TENT5A: variants seen among roughly 807,000 people sequenced by gnomAD.
TENT5A encodes HBV X-transactivated gene 11 protein.
TENT5A carries 9 observed loss-of-function variants against 30.2 expected under a neutral mutation model. That is an observed-to-expected ratio of 0.30 (90% CI 0.18 to 0.52). The LOEUF is 0.52. Among genes scored for constraint, TENT5A ranks in the 20% least tolerant of loss-of-function variants. The pLI is 0.97. For synonymous variants in TENT5A, 264 were observed against 234.2 expected, an observed-to-expected ratio of 1.13 and a Z score of -1.16; for missense variants, 411 against 566.1, an observed-to-expected ratio of 0.73 and a Z score of 2.78.
At position 81,746,862 on chromosome 6, in the gene TENT5A, C is replaced by T; in HGVS notation, c.*2833G>A. 9.0e-7 allele frequency: 1 copy of T among 1,115,736 alleles called. No individual in the cohort carries two copies. Among genetic ancestry groups the T allele is most frequent in the Non-Finnish European group, 1.1e-6 (1 of 914,976 alleles). The allele number at this position is 1,115,736 out of a possible 1,614,324, so 69.1% of individuals were successfully genotyped here. ...GACATATATTTCACTGTGTGTTCAA[C>T]TACATATGCACAAGACTATAGTACA... On this transcript the variant is annotated 3_prime_UTR_variant, in exon 3 of 3. Coordinates refer to ENST00000320172, the MANE Select transcript of TENT5A (RefSeq NM_017633.3).
chr6:81,752,622 C>G lies in TENT5A; in HGVS notation c.-229G>C, dbSNP rs1467349886. ...CGCTGCCACCCCAGCTGCGGTGGTC[C>G]CGAACTGGCGGCTCTTGCTGCCACA... On this transcript the variant is annotated 5_prime_UTR_variant, in exon 1 of 3. Coordinates refer to ENST00000320172, the MANE Select transcript of TENT5A (RefSeq NM_017633.3). 1.4e-6 allele frequency: 1 copy of G among 727,100 alleles called. No homozygotes were observed. Among genetic ancestry groups the G allele is most frequent in the East Asian group, 2.7e-5 (1 of 37,302 alleles). The allele number at this position is 727,100 out of a possible 1,614,324, so 45.0% of individuals were successfully genotyped here.
chr6:81,751,899 G>A lies in TENT5A; in HGVS notation c.243C>T (p.Thr81=), dbSNP rs368900766. The change falls in exon 2 of 3, where the codon ACC becomes ACT. Residue 81 remains threonine, a synonymous_variant. Coordinates refer to ENST00000320172, the MANE Select transcript of TENT5A (RefSeq NM_017633.3). ...AGTTGCCGCGCCCGTGAATCGGAAT[G>A]GTCTCGCTCAGGATGCCGTCCAGCC... ...VQRLDGILSE[T]IPIHGRGNFP... The A allele has an allele frequency of 8.1e-6, 13 of 1,613,100 alleles. No homozygotes were observed. Among genetic ancestry groups the A allele is most frequent in the Non-Finnish European group, 1.1e-5 (13 of 1,179,936 alleles).
chr6:81,751,688 C>A lies in TENT5A; in HGVS notation c.454G>T (p.Gly152Trp), dbSNP rs753043995. The A allele has an allele frequency of 9.9e-6, 16 of 1,614,218 alleles. No homozygotes were observed. The East Asian group carries it at 1.6e-4, about 16-fold the overall frequency. Residue 152 changes from glycine (G) to tryptophan (W), a missense_variant, in exon 2 of 3, where the codon GGG becomes TGG. Around this residue, in one of 5 missense-constraint regions of TENT5A, gnomAD observed 157 missense variants for 183.2 expected, o/e 0.86. Coordinates refer to ENST00000320172, the MANE Select transcript of TENT5A (RefSeq NM_017633.3). ...LIFCADLRGE[G>W]EFQTVKDVVL... ...ACGTCCTTCACAGTCTGAAACTCCC[C>A]TTCCCCGCGCAGGTCGGCGCAGAAG...
In TENT5A at chr6:81,748,393, A is replaced by G. The variant is rs2127726097; in HGVS notation, c.*1302T>C. 1 of 983,052 alleles carries G rather than the reference A, an allele frequency of 1.0e-6. No individual in the cohort carries two copies. The highest frequency in any genetic ancestry group is 1.2e-6 in the Non-Finnish European group (1 of 828,382). 60.9% of individuals were successfully genotyped at this position (983,052 alleles called of 1,614,324 possible). On this transcript the variant is annotated 3_prime_UTR_variant, in exon 3 of 3. Coordinates refer to ENST00000320172, the MANE Select transcript of TENT5A (RefSeq NM_017633.3). ...ATTTTATGGCTCACCAAAGAAAAAA[A>G]AAAAAAGAAAAAAAAATCCCACTAA...
rs1193302256 is a variant in TENT5A at position 81,746,492 on chromosome 6, C to T, written c.*3203G>A. Reference sequence around the variant, plus strand: ...AGCTACATTATTAGTCCATCCAATACCAAAGTGAGCAGATACTTGATCCCA... The same window carrying T: ...AGCTACATTATTAGTCCATCCAATATCAAAGTGAGCAGATACTTGATCCCA... On this transcript the variant is annotated 3_prime_UTR_variant, in exon 3 of 3. Transcript: ENST00000320172. 8.1e-7 allele frequency: 1 copy of T among 1,232,046 alleles called. No individual in the cohort carries two copies. Among genetic ancestry groups the T allele is most frequent in the East Asian group, 3.2e-5 (1 of 31,708 alleles). The allele number at this position is 1,232,046 out of a possible 1,614,324, so 76.3% of individuals were successfully genotyped here.
Position 81,751,505 on chromosome 6 carries a change from C to T in TENT5A, c.552+85G>A, listed in dbSNP as rs1404456503. 4.8e-6 allele frequency: 6 copies of T among 1,245,518 alleles called. No individual in the cohort carries two copies. The Admixed American group carries it at 1.1e-4, about 23-fold the overall frequency. The allele number at this position is 1,245,518 out of a possible 1,614,324, so 77.2% of individuals were successfully genotyped here. On this transcript the variant is annotated intron_variant, in intron 2 of 2. Transcript: ENST00000320172. Reference sequence around the variant, plus strand: ...ACTCGTGATGGCCACAGATTCATGGCATTTAACCGATGCCCCTCTGCCCGC... The same window carrying T: ...ACTCGTGATGGCCACAGATTCATGGTATTTAACCGATGCCCCTCTGCCCGC...
Position 81,747,543 on chromosome 6 carries a change from G to A in TENT5A, c.*2152C>T. On this transcript the variant is annotated 3_prime_UTR_variant, in exon 3 of 3. Transcript: ENST00000320172. ...AAAGGTAGTCCAGACGGATTAACCT[G>A]GATTAACCTAGCACTAAGCATCTGA... 1 of 985,670 alleles carries A rather than the reference G, an allele frequency of 1.0e-6. No homozygotes were observed. Among genetic ancestry groups the A allele is most frequent in the Non-Finnish European group, 1.2e-6 (1 of 829,908 alleles). The allele number at this position is 985,670 out of a possible 1,614,324, so 61.1% of individuals were successfully genotyped here. A position where few individuals can be genotyped will look rare whatever the true frequency, so the allele number is the denominator to read the frequency against.
In TENT5A at chr6:81,750,368, A is replaced by G. The variant is rs751779728; in HGVS notation, c.656T>C (p.Val219Ala). 5 of 1,613,816 alleles carry G rather than the reference A, an allele frequency of 3.1e-6. No homozygotes were observed. The highest frequency in any genetic ancestry group is 4.2e-6 in the Non-Finnish European group (5 of 1,179,922). ...TTCAAACTGCCTCCGGAGGGAATCC[A>G]CAAATTTCAGTTCCACATTTTTGCC... ...NSGKNVELKF[V>A]DSLRRQFEFS... is the part of the protein sequence containing the mutation. Residue 219 changes from valine (V) to alanine (A), a missense_variant, in exon 3 of 3, where the codon GTG becomes GCG. This residue lies in a region of TENT5A where 135 missense variants were observed against 240.0 expected (regional missense o/e 0.56). Transcript: ENST00000320172. The surrounding 1 kb of genome is among the most constrained non-coding windows in gnomAD (Gnocchi z 4.2).
At position 81,746,403 on chromosome 6, in the gene TENT5A, C is replaced by G. The variant is rs1424895308; in HGVS notation, c.*3292G>C. On this transcript the variant is annotated 3_prime_UTR_variant, in exon 3 of 3. Coordinates refer to ENST00000320172, the MANE Select transcript of TENT5A (RefSeq NM_017633.3). ...ACAGAAAGGGGTGGTAAAAACAGTA[C>G]GTTCACTTTTCATTTCCTTCCTTGG... 1.6e-6 allele frequency: 2 copies of G among 1,229,996 alleles called. No individual in the cohort carries two copies. Among genetic ancestry groups the G allele is most frequent in the South Asian group, 4.2e-5 (1 of 23,990 alleles). The allele number at this position is 1,229,996 out of a possible 1,614,324, so 76.2% of individuals were successfully genotyped here.
In TENT5A at chr6:81,750,299, A is replaced by T. The variant is rs750110886; in HGVS notation, c.725T>A (p.Leu242His). The change falls in exon 3 of 3, where the codon CTC becomes CAC. Residue 242 changes from leucine (L) to histidine (H), a missense_variant. Physicochemically the swap from Leu to His is moderately conservative, Grantham distance 99. Around this residue, in one of 5 missense-constraint regions of TENT5A, gnomAD observed 135 missense variants for 240.0 expected, o/e 0.56. Coordinates refer to ENST00000320172, the MANE Select transcript of TENT5A (RefSeq NM_017633.3). The surrounding 1 kb of genome is among the most constrained non-coding windows in gnomAD (Gnocchi z 4.2). ...SFQIKLDSLL[L>H]FYECSENPMT... ...TGGGTTCTCTGAACATTCATAAAAG[A>T]GCAGAAGAGAGTCTAATTTGATTTG... is the stretch of plus-strand genomic sequence containing the variant. 6.2e-7 allele frequency: 1 copy of T among 1,613,632 alleles called. No homozygotes were observed. Among genetic ancestry groups the T allele is most frequent in the East Asian group, 2.2e-5 (1 of 44,878 alleles).
In TENT5A at chr6:81,747,992, C is replaced by T. The variant is rs1768919771; in HGVS notation, c.*1703G>A. 1 of 983,126 alleles carries T rather than the reference C, an allele frequency of 1.0e-6. No homozygotes were observed. Among genetic ancestry groups the T allele is most frequent in the South Asian group, 4.7e-5 (1 of 21,224 alleles). 60.9% of individuals were successfully genotyped at this position (983,126 alleles called of 1,614,324 possible). On this transcript the variant is annotated 3_prime_UTR_variant, in exon 3 of 3. Coordinates refer to ENST00000320172, the MANE Select transcript of TENT5A (RefSeq NM_017633.3). ...TACTAAATATTTAAATGCAGTGTGA[C>T]AACCAGATCAAAGATGTTTCATATT...
rs760485786 is a variant in TENT5A at position 81,750,074 on chromosome 6, T to C, written c.950A>G (p.Tyr317Cys). 1 of 1,614,230 alleles carries C rather than the reference T, an allele frequency of 6.2e-7. No individual in the cohort carries two copies. Among genetic ancestry groups the C allele is most frequent in the South Asian group, 1.1e-5 (1 of 91,088 alleles). ...ASDEIKTLQR[Y>C]MCSRFFIDFS... is the part of the protein sequence containing the mutation. ...GTCGATGAAAAACCTGGAACACATA[T>C]ACCTTTGAAGGGTCTTGATTTCATC... Residue 317 changes from tyrosine to cysteine, a missense_variant, in exon 3 of 3, where the codon TAT (tyrosine) becomes TGT (cysteine). By Grantham distance (194) the Tyr-to-Cys change is radical. Coordinates refer to ENST00000320172, the MANE Select transcript of TENT5A (RefSeq NM_017633.3). The surrounding 1 kb of genome is among the most constrained non-coding windows in gnomAD (Gnocchi z 4.2).
rs878888400 is a variant in TENT5A at position 81,749,043 on chromosome 6, C to A, written c.*652G>T. On this transcript the variant is annotated 3_prime_UTR_variant, in exon 3 of 3. Coordinates refer to ENST00000320172, the MANE Select transcript of TENT5A (RefSeq NM_017633.3). ...ACATTTTAAAAATGTGATCTATGCA[C>A]GCAGCTGGAATTAATGGATTGTGTC... 3.0e-6 allele frequency: 3 copies of A among 985,632 alleles called. No homozygotes were observed. The African/African-American group carries it at 5.2e-5, about 17-fold the overall frequency. The allele number at this position is 985,632 out of a possible 1,614,324, so 61.1% of individuals were successfully genotyped here.
At chr6:81,752,296 C>G in intron 1 of TENT5A, 118 bp from the exon 2 acceptor site, 2 of 1,529,040 alleles carry the variant, frequency 1.3e-6, no homozygotes, top group South Asian at 2.5e-5. Context: ...GTTCCCTGAC[C>G]CCGGGCCTCC....
Position 81,748,679 on chromosome 6 carries a change from CAT to C in TENT5A, c.*1014_*1015del. 2 of 951,562 alleles carry C rather than the reference CAT, an allele frequency of 2.1e-6. No homozygotes were observed. The highest frequency in any genetic ancestry group is 2.5e-6 in the Non-Finnish European group (2 of 798,984). 58.9% of individuals were successfully genotyped at this position (951,562 alleles called of 1,614,324 possible). A position where few individuals can be genotyped will look rare whatever the true frequency, so the allele number is the denominator to read the frequency against. ...CACACACACATATAATTTATACACA[CAT>C]ACACATGTACCTATGATAATATCAG... is the stretch of plus-strand genomic sequence containing the variant. On this transcript the variant is annotated 3_prime_UTR_variant, in exon 3 of 3. Transcript: ENST00000320172.
chr6:81,752,640 C>T lies in TENT5A; in HGVS notation c.-247G>A, dbSNP rs908845303. On this transcript the variant is annotated 5_prime_UTR_variant, in exon 1 of 3. Coordinates refer to ENST00000320172, the MANE Select transcript of TENT5A (RefSeq NM_017633.3). ...GGTGGTCCCGAACTGGCGGCTCTTG[C>T]TGCCACACACGCTCGTGTCTCTGGA... The T allele has an allele frequency of 4.2e-6, 3 of 718,920 alleles. No homozygotes were observed. The highest frequency in any genetic ancestry group is 2.6e-6 in the Non-Finnish European group (1 of 386,580). The allele number at this position is 718,920 out of a possible 1,614,324, so 44.5% of individuals were successfully genotyped here.
In TENT5A at chr6:81,746,373, A is replaced by G; in HGVS notation, c.*3322T>C. The G allele has an allele frequency of 1.6e-6, 2 of 1,228,112 alleles. No homozygotes were observed. Among genetic ancestry groups the G allele is most frequent in the Non-Finnish European group, 2.0e-6 (2 of 985,874 alleles). 76.1% of individuals were successfully genotyped at this position (1,228,112 alleles called of 1,614,324 possible). On this transcript the variant is annotated 3_prime_UTR_variant, in exon 3 of 3. Transcript: ENST00000320172. Reference sequence around the variant, plus strand: ...ATGCACAGTGAAGCAACCAACAATAAGCAAACAGAAAGGGGTGGTAAAAAC... The same window carrying G: ...ATGCACAGTGAAGCAACCAACAATAGGCAAACAGAAAGGGGTGGTAAAAAC...
chr6:81,746,468 G>T lies in TENT5A; in HGVS notation c.*3227C>A. On this transcript the variant is annotated 3_prime_UTR_variant, in exon 3 of 3. Transcript: ENST00000320172. ...ATTCTTCCATCCTTGCATTTTTGGAGCTACATTATTAGTCCATCCAATACC... is the reference window on the plus strand; with the variant it reads ...ATTCTTCCATCCTTGCATTTTTGGATCTACATTATTAGTCCATCCAATACC... The T allele has an allele frequency of 8.1e-7, 1 of 1,231,956 alleles. No homozygotes were observed. Among genetic ancestry groups the T allele is most frequent in the East Asian group, 3.2e-5 (1 of 31,704 alleles). The allele number at this position is 1,231,956 out of a possible 1,614,324, so 76.3% of individuals were successfully genotyped here.
At chr6:81,751,552 A>G in intron 2 of TENT5A, 38 bp downstream of exon 2, 1 of 1,541,084 alleles carries the variant, frequency 6.5e-7, no homozygotes, top group African/African-American at 1.4e-5. Flanking sequence ...CCCGGCCCAG[A>G]CTGGGTCAGG....
Sources: gnomAD v4.1 joint callset for allele counts on GRCh38, gnomAD v4.1.1 for gene constraint, gnomAD v4.1.1 regional missense constraint, Gnocchi (gnomAD v3.1) non-coding constraint, MANE v1.5 for transcripts, NCBI Gene and HGNC (gene_info 2026-07-23, HGNC 2026-07-21) for gene names.